UST: variants seen among roughly 807,000 people sequenced by gnomAD.
The protein encoded by UST is uronyl 2-sulfotransferase, also known as chondroitin sulfate 2-O-sulfotransferase.
Under a neutral mutation model 45.6 loss-of-function variants are expected in UST, and 21 were observed. That is an observed-to-expected ratio of 0.46 (90% CI 0.33 to 0.66). The LOEUF (loss-of-function observed/expected upper bound fraction) is 0.66. Ranked by LOEUF, UST falls within the 30% of genes least tolerant of loss-of-function variation. The pLI, the probability that UST is intolerant of heterozygous loss-of-function variation, is 0.02. For missense variants in UST, 463 were observed against 512.4 expected, an observed-to-expected ratio of 0.90 and a Z score of 0.93; for synonymous variants, 215 against 200.6, an observed-to-expected ratio of 1.07 and a Z score of -0.61.
intron 1 of UST, among the ~76,000 whole-genome samples, chr6:148,805,708 A>G (rs1174524171): frequency 1.3e-5 from 2 of 152,196 alleles, no homozygotes; most frequent in Non-Finnish European, 2.9e-5. Context: ...TCATTTTCTT[A>G]AACTTTTCAT....
chr6:148,787,112 T>C (rs1776747530), intron 1 of UST, among the ~76,000 whole-genome samples: 1 of 152,252 alleles, frequency 6.6e-6, no homozygotes, highest in South Asian at 2.1e-4. Flanking sequence ...TAGATCTTTG[T>C]GAGATGTATA....
intron 1 of UST, among the ~76,000 whole-genome samples, chr6:148,848,840 C>T (rs767245572): frequency 1.3e-5 from 2 of 152,076 alleles, no homozygotes; most frequent in Non-Finnish European, 2.9e-5. Context: ...CTCTTCGAGC[C>T]GGATAACCAA....
intron 5 of UST, 138 bp downstream of exon 5, chr6:148,964,701 C>G (rs925227679): frequency 7.2e-6 from 8 of 1,109,506 alleles, no homozygotes; most frequent in African/African-American, 1.6e-5. Context: ...GGTGCTTCCG[C>G]AGGAAGGAGG....
rs568976347 is a variant in UST, at chr6:148,988,125, G to A, written c.681+23562G>A. The stretch of plus-strand genomic sequence containing the variant: ...AGTACAAGGTCCAAGCAGAGAGGGT[G>A]TAATTTGAAATAGCTTGATACAGAG... On this transcript the variant is annotated intron_variant, in intron 5 of 7. Transcript: ENST00000367463. Among the ~76,000 whole-genome samples, 12 of 152,038 alleles carry A rather than the reference G, an allele frequency of 7.9e-5. No individual in the cohort carries two copies. The South Asian group carries it at 2.3e-3, about 29-fold the overall frequency.
intron 4 of UST, among the ~76,000 whole-genome samples, chr6:148,955,335 G>A (rs908125160): frequency 2.6e-5 from 4 of 152,252 alleles, no homozygotes; most frequent in African/African-American, 9.6e-5. Context: ...TATGCAGCAG[G>A]TCCTGTGCAA....
At chr6:148,786,181 T>G (rs1776731255) in intron 1 of UST, among the ~76,000 whole-genome samples, 1 of 152,198 alleles carries the variant, frequency 6.6e-6, no homozygotes, top group Non-Finnish European at 1.5e-5. Flanking sequence ...TAGACTAACT[T>G]TACTTTAGAT....
At chr6:149,029,480 AT>A (rs1347425800) in intron 7 of UST, among the ~76,000 whole-genome samples, 5 of 145,796 alleles carry the variant, frequency 3.4e-5, no homozygotes, top group South Asian at 2.1e-4. Flanking sequence ...TATATAATGT[AT>A]ATATAATATA....
intron 1 of UST, among the ~76,000 whole-genome samples, chr6:148,842,293 A>C (rs775744844): frequency 6.6e-6 from 1 of 152,208 alleles, no homozygotes; most frequent in Non-Finnish European, 1.5e-5. Context: ...TGTAGACAAG[A>C]AGGGGCTTTC....
intron 2 of UST, among the ~76,000 whole-genome samples, chr6:148,891,862 C>T (rs573360443): frequency 1.3e-5 from 2 of 152,328 alleles, no homozygotes; most frequent in African/African-American, 2.4e-5. Context: ...TTCACATCTA[C>T]TTTATCCGTT....
chr6:148,858,898 T>C (rs1416459139), intron 1 of UST, among the ~76,000 whole-genome samples: 4 of 152,232 alleles, frequency 2.6e-5, no homozygotes, highest in Admixed American at 1.3e-4. Flanking sequence ...CAGCCTATCA[T>C]TGATGGACAT....
chr6:149,037,526 G>C (rs1212996229), intron 7 of UST, among the ~76,000 whole-genome samples: 1 of 152,212 alleles, frequency 6.6e-6, no homozygotes, highest in Non-Finnish European at 1.5e-5. Flanking sequence ...CTGGAGGCTG[G>C]CGAACACTCT....
At chr6:148,928,072 G>A (rs1029567402) in intron 2 of UST, among the ~76,000 whole-genome samples, 3 of 152,160 alleles carry the variant, frequency 2.0e-5, no homozygotes, top group Non-Finnish European at 4.4e-5. Flanking sequence ...ACATAGGTTG[G>A]ACAGTGGCCT....
At chr6:149,047,918 A>G (rs948758742) in intron 7 of UST, among the ~76,000 whole-genome samples, 26 of 152,236 alleles carry the variant, frequency 1.7e-4, no homozygotes, top group Admixed American at 9.8e-4. Context: ...TGGGTTTAAA[A>G]TAATGGTGTA....
At chr6:148,964,667 C>A (rs1434924680) in intron 5 of UST, 104 bp downstream of exon 5, 2 of 1,463,192 alleles carry the variant, frequency 1.4e-6, no homozygotes, top group Non-Finnish European at 1.8e-6. Flanking sequence ...TCCTTGGCGC[C>A]TCCATGGAGC....
chr6:148,795,601 A>T (rs563864305), intron 1 of UST, among the ~76,000 whole-genome samples: 6 of 152,136 alleles, frequency 3.9e-5, no homozygotes, highest in Admixed American at 2.0e-4. Context: ...AGGGACTTTT[A>T]AAAAAACCCA....
chr6:148,751,215 T>C (rs1328581541), intron 1 of UST, among the ~76,000 whole-genome samples: 1 of 152,214 alleles, frequency 6.6e-6, no homozygotes, highest in East Asian at 1.9e-4. Flanking sequence ...TTTAATACTT[T>C]AAAGTATTTA....
intron 5 of UST, among the ~76,000 whole-genome samples, chr6:148,973,924 A>T (rs971245742): frequency 2.6e-5 from 4 of 152,256 alleles, no homozygotes; most frequent in African/African-American, 9.6e-5. Context: ...TTTTTCTAAT[A>T]AATGTAAATT....
chr6:148,749,137 A>G (rs575739319), intron 1 of UST, among the ~76,000 whole-genome samples: 19 of 152,330 alleles, frequency 1.2e-4, no homozygotes, highest in African/African-American at 4.6e-4. Context: ...AGTTGGCCCA[A>G]GTAGATTTCC....
chr6:148,970,370 C>G (rs1251610005), intron 5 of UST, among the ~76,000 whole-genome samples: 1 of 152,214 alleles, frequency 6.6e-6, no homozygotes, highest in Non-Finnish European at 1.5e-5. Context: ...TGTCCGCCCT[C>G]ACAGCCTCTC....
Sources: allele counts gnomAD v4.1 joint callset (sites outside exome capture counted in the v4.1 genomes callset), GRCh38; gene constraint gnomAD v4.1.1; transcripts MANE v1.5; gene names NCBI Gene and HGNC (gene_info 2026-07-23, HGNC 2026-07-21).